The following EIF4G3 variants were observed in gnomAD, a reference collection of about 807,000 sequenced individuals.
EIF4G3 encodes the protein eIF-4-gamma 3.
In EIF4G3, 34 loss-of-function variants were observed where a neutral mutation model predicts 186.4. The ratio of observed to expected loss-of-function variants is 0.18; its 90% CI spans 0.14 to 0.24. EIF4G3 has a LOEUF of 0.24. Among genes scored for constraint, EIF4G3 ranks in the 10% least tolerant of loss-of-function variants. The pLI is 1.00. For missense variants in EIF4G3, 1,536 were observed against 1,948.5 expected, an observed-to-expected ratio of 0.79 and a Z score of 3.99; for synonymous variants, 673 against 679.5, an observed-to-expected ratio of 0.99 and a Z score of 0.15.
At chr1:21,136,114 C>T (rs1312442806) in intron 2 of EIF4G3, among the ~76,000 whole-genome samples, 1 of 151,934 alleles carries the variant, frequency 6.6e-6, no homozygotes, top group Non-Finnish European at 1.5e-5. Flanking sequence ...ACCCGGGAAG[C>T]GGAGCTTGCA....
In EIF4G3 at chr1:21,025,380, C is replaced by G. The variant is rs1445635014; in HGVS notation, c.-66-22572G>C. Among the ~76,000 whole-genome samples, 3 of 151,920 alleles carry G rather than the reference C, an allele frequency of 2.0e-5. No individual in the cohort carries two copies. The East Asian group carries it at 5.8e-4, about 29-fold the overall frequency. ...AAGATACTGGTGTCAAGATATCAAA[C>G]AGGGATCTATTCCGACAGCCCAGGT... is the stretch of plus-strand genomic sequence containing the variant. On this transcript the variant is annotated intron_variant, in intron 4 of 36. Transcript: ENST00000602326.
chr1:20,854,938 C>G (rs201988480), intron 26 of EIF4G3, 40 bp downstream of exon 26: 2 of 1,557,732 alleles, frequency 1.3e-6, no homozygotes, highest in Non-Finnish European at 1.8e-6. Context: ...CAAATGCTAA[C>G]AAGCCACAGC....
chr1:21,005,258 C>T (rs1315229374), intron 4 of EIF4G3, among the ~76,000 whole-genome samples: 2 of 151,868 alleles, frequency 1.3e-5, no homozygotes, highest in Non-Finnish European at 2.9e-5. Context: ...AAAGAGAGCA[C>T]CAATTTAATT....
chr1:20,856,744 T>C (rs986401865), intron 25 of EIF4G3, among the ~76,000 whole-genome samples: 24 of 152,226 alleles, frequency 1.6e-4, no homozygotes, highest in African/African-American at 5.1e-4. Context: ...GAGCTACGGA[T>C]ACATTGTGTA....
intron 2 of EIF4G3, among the ~76,000 whole-genome samples, chr1:21,133,113 A>G (rs1445669474): frequency 6.6e-6 from 1 of 150,570 alleles, no homozygotes; most frequent in East Asian, 1.9e-4. Context: ...CATTTACTAC[A>G]TTTGTTTCAA....
chr1:21,066,506 G>A lies in EIF4G3; in HGVS notation c.-195-15512C>T, dbSNP rs914923543. On this transcript the variant is annotated intron_variant, in intron 3 of 36. Transcript: ENST00000602326. ...AGAAACTAAACACCTTTCTAATCTAGTATTCTGCATTCTATATGGCAATTA... is the reference window on the plus strand; with the variant it reads ...AGAAACTAAACACCTTTCTAATCTAATATTCTGCATTCTATATGGCAATTA... Among the ~76,000 whole-genome samples the A allele has an allele frequency of 3.3e-5, 5 of 152,052 alleles. No individual in the cohort carries two copies. In the East Asian group the frequency reaches 9.6e-4, roughly 29 times the overall value.
intron 20 of EIF4G3, among the ~76,000 whole-genome samples, chr1:20,869,306 ATTTT>A (rs954573350): frequency 2.1e-5 from 2 of 97,388 alleles, no homozygotes; most frequent in Non-Finnish European, 2.0e-5. Context: ...TTACTTTAAA[ATTTT>A]TTTTTTTTTT....
chr1:21,042,429 G>A (rs2093638111), intron 4 of EIF4G3, among the ~76,000 whole-genome samples: 1 of 152,126 alleles, frequency 6.6e-6, no homozygotes, highest in Admixed American at 6.5e-5. Flanking sequence ...TCTACAAGAT[G>A]TGTGTGTTAT....
At chr1:21,044,553 C>G (rs966697104) in intron 4 of EIF4G3, among the ~76,000 whole-genome samples, 26 of 151,468 alleles carry the variant, frequency 1.7e-4, no homozygotes, top group Admixed American at 1.6e-3. Context: ...GTGCATCAAA[C>G]TCAGAATTTA....
intron 4 of EIF4G3, among the ~76,000 whole-genome samples, chr1:21,020,362 T>C (rs1364021771): frequency 6.6e-6 from 1 of 152,162 alleles, no homozygotes; most frequent in Non-Finnish European, 1.5e-5. Context: ...TGGTGGTGCA[T>C]GCCTGTGGTC....
intron 2 of EIF4G3, among the ~76,000 whole-genome samples, chr1:21,116,929 AAC>A (rs754189777): frequency 1.2e-4 from 18 of 152,230 alleles, no homozygotes; most frequent in Admixed American, 3.9e-4. Context: ...ATATGCATTA[AAC>A]ATTTCATTAA....
chr1:20,850,114 T>C (rs986680814), intron 28 of EIF4G3, among the ~76,000 whole-genome samples: 2 of 152,204 alleles, frequency 1.3e-5, no homozygotes, highest in Non-Finnish European at 2.9e-5. Flanking sequence ...AATTCCTTCC[T>C]TCATAGCACC....
At chr1:20,892,366 A>T (rs1325390498) in intron 18 of EIF4G3, among the ~76,000 whole-genome samples, 1 of 152,240 alleles carries the variant, frequency 6.6e-6, no homozygotes, top group African/African-American at 2.4e-5. Flanking sequence ...CAAAGCATGG[A>T]GTAGGCAGAG....
At position 21,023,491 on chromosome 1, in the gene EIF4G3, C is replaced by T. The variant is rs373769633; in HGVS notation, c.-66-20683G>A. On this transcript the variant is annotated intron_variant, in intron 4 of 36. Coordinates refer to ENST00000602326, the MANE Select transcript of EIF4G3 (RefSeq NM_001391906.1). ...GCCGGGCCAGTCTCCAGCCCCTAAC[C>T]GCGAGTGATCCGCCAGCCTCGGCCT... is the stretch of plus-strand genomic sequence containing the variant. Among the ~76,000 whole-genome samples the T allele has an allele frequency of 6.2e-3, 947 of 152,140 alleles. 14 individuals are homozygous for T. Among genetic ancestry groups the T allele is most frequent in the East Asian group, 0.024 (123 of 5,162 alleles).
chr1:20,864,753 G>T, intron 21 of EIF4G3, 41 bp from the exon 22 acceptor site: 1 of 1,483,068 alleles, frequency 6.7e-7, no homozygotes, highest in Non-Finnish European at 9.4e-7. Context: ...GATGATGAAA[G>T]TTGTACTGCA....
intron 3 of EIF4G3, among the ~76,000 whole-genome samples, chr1:21,087,155 C>T (rs902462429): frequency 1.3e-5 from 2 of 152,132 alleles, no homozygotes; most frequent in African/African-American, 4.8e-5. Flanking sequence ...CCTCAGTAGA[C>T]TATGAGTCCT....
chr1:20,840,958 T>G lies in EIF4G3; in HGVS notation c.3959A>C (p.Glu1320Ala), dbSNP rs370229268. 6.2e-7 allele frequency: 1 copy of G among 1,614,122 alleles called. No individual in the cohort carries two copies. Among genetic ancestry groups the G allele is most frequent in the Non-Finnish European group, 8.5e-7 (1 of 1,180,000 alleles). Reference sequence around the variant, plus strand: ...GATCTGGCTCCTTTCCAGGGTGGACTCCACTCCCACTCTCACAAAAACATG... The same window carrying G: ...GATCTGGCTCCTTTCCAGGGTGGACGCCACTCCCACTCTCACAAAAACATG... ...LLHVFVRVGV[E>A]STLERSQITR... The change falls in exon 30 of 37, where the codon GAG (glutamate) becomes GCG (alanine). Residue 1320 changes from glutamate to alanine, a missense_variant. Physicochemically the swap from Glu to Ala is moderately radical, Grantham distance 107. Transcript: ENST00000602326.
At chr1:20,939,796 T>G (rs2095644567) in intron 14 of EIF4G3, among the ~76,000 whole-genome samples, 2 of 151,886 alleles carry the variant, frequency 1.3e-5, no homozygotes, top group African/African-American at 4.8e-5. Flanking sequence ...AACAAACACG[T>G]GTTTCTTCGG....
intron 2 of EIF4G3, among the ~76,000 whole-genome samples, chr1:21,112,905 AAAGTTT>A (rs2096750984): frequency 6.6e-6 from 1 of 152,158 alleles, no homozygotes; most frequent in Non-Finnish European, 1.5e-5. Flanking sequence ...TCTACCAAAA[AAAGTTT>A]TGAAAAATCA....
Sources: allele counts gnomAD v4.1 joint callset (sites outside exome capture counted in the v4.1 genomes callset), GRCh38; gene constraint gnomAD v4.1.1; transcripts MANE v1.5; gene names NCBI Gene and HGNC (gene_info 2026-07-23, HGNC 2026-07-21).